Variants in ZHX3 observed in about 807,000 individuals in gnomAD.
ZHX3 encodes zinc fingers and homeoboxes 3.
A neutral mutation model predicts 64.5 loss-of-function variants in ZHX3; 20 were observed. The ratio of observed to expected loss-of-function variants is 0.31; its 90% CI spans 0.22 to 0.45. ZHX3 has a LOEUF of 0.45. Ranked by LOEUF, ZHX3 falls within the 20% of genes least tolerant of loss-of-function variation. The pLI, the probability that ZHX3 is intolerant of heterozygous loss-of-function variation, is 1.00. For missense variants in ZHX3, 1,041 were observed against 1,195.8 expected (o/e 0.87, Z 1.91); for synonymous variants, 423 against 461.6 (o/e 0.92, Z 1.07).
chr20:41,285,685 G>A (rs1160224850), intron 1 of ZHX3, among the ~76,000 whole-genome samples: 1 of 152,214 alleles, frequency 6.6e-6, no homozygotes, highest in Non-Finnish European at 1.5e-5. Flanking sequence ...GCAGTTAGAA[G>A]CATGAATTAT....
chr20:41,207,426 T>C (rs191655836), intron 2 of ZHX3, among the ~76,000 whole-genome samples: 27 of 152,204 alleles, frequency 1.8e-4, no homozygotes, highest in Admixed American at 3.3e-4. Context: ...TACTCCAAAA[T>C]TGACCACATA....
In ZHX3 at chr20:41,201,567, T is replaced by C. The variant is rs938292526; in HGVS notation, c.2860+490A>G. 1.3e-5 allele frequency among the ~76,000 whole-genome samples: 2 copies of C among 152,236 alleles called. No homozygotes were observed. Among genetic ancestry groups the C allele is most frequent in the African/African-American group, 4.8e-5 (2 of 41,462 alleles). ...AGGTGATTTTCCATTATACTAAACA[T>C]TTCTTCTACATCAGGCATAACCAGA... On this transcript the variant is annotated intron_variant, in intron 3 of 3. Coordinates refer to ENST00000683867, the MANE Select transcript of ZHX3 (RefSeq NM_001384317.1). The surrounding 1 kb of genome is among the most constrained non-coding windows in gnomAD (Gnocchi z 5.0).
intron 2 of ZHX3, among the ~76,000 whole-genome samples, chr20:41,268,122 G>A (rs1047023118): frequency 2.0e-5 from 3 of 152,128 alleles, no homozygotes; most frequent in Admixed American, 1.3e-4. Flanking sequence ...GTGGTCCCCA[G>A]GCTTGTGAAG....
At chr20:41,193,922 G>A (rs529252160) in intron 3 of ZHX3, among the ~76,000 whole-genome samples, 2 of 152,088 alleles carry the variant, frequency 1.3e-5, no homozygotes, top group South Asian at 4.2e-4. Flanking sequence ...GGGTGGTCTC[G>A]ATCTCTTGAC....
At chr20:41,293,324 G>A (rs1182393127) in intron 1 of ZHX3, among the ~76,000 whole-genome samples, 2 of 152,160 alleles carry the variant, frequency 1.3e-5, no homozygotes, top group Non-Finnish European at 2.9e-5. Context: ...GAAAAGCATG[G>A]ATTTAGAGGA....
chr20:41,263,041 T>C (rs904238987), intron 2 of ZHX3, among the ~76,000 whole-genome samples: 3 of 152,156 alleles, frequency 2.0e-5, no homozygotes, highest in African/African-American at 7.2e-5. Context: ...GAATGTTCTG[T>C]AATACAGAAG....
At chr20:41,253,973 AT>A (rs373302036) in intron 2 of ZHX3, among the ~76,000 whole-genome samples, 72 of 152,144 alleles carry the variant, frequency 4.7e-4, no homozygotes, top group African/African-American at 1.6e-3. Flanking sequence ...ACCAAAAAAA[AT>A]GGAAGGTACT....
At chr20:41,209,716 A>G (rs1028655860) in intron 2 of ZHX3, among the ~76,000 whole-genome samples, 3 of 152,238 alleles carry the variant, frequency 2.0e-5, no homozygotes, top group African/African-American at 7.2e-5. Flanking sequence ...AAAGACTTAA[A>G]TGTTAGACCT....
chr20:41,241,341 T>C (rs1366873556), intron 2 of ZHX3, among the ~76,000 whole-genome samples: 1 of 152,224 alleles, frequency 6.6e-6, no homozygotes, highest in Non-Finnish European at 1.5e-5. Context: ...CCTTGCCCAT[T>C]TTTAATGGGA....
At chr20:41,237,984 G>C (rs767259678) in intron 2 of ZHX3, among the ~76,000 whole-genome samples, 1 of 152,154 alleles carries the variant, frequency 6.6e-6, no homozygotes, top group Non-Finnish European at 1.5e-5. Flanking sequence ...TGAACTATAA[G>C]ATCTTTGAGG....
intron 2 of ZHX3, among the ~76,000 whole-genome samples, chr20:41,253,362 G>C (rs1267533713): frequency 1.3e-5 from 2 of 152,034 alleles, no homozygotes; most frequent in African/African-American, 2.4e-5. Context: ...TCTTTTGTGA[G>C]GACTGAATAA....
At chr20:41,262,168 T>C (rs1205859272) in intron 2 of ZHX3, among the ~76,000 whole-genome samples, 2 of 152,238 alleles carry the variant, frequency 1.3e-5, no homozygotes, top group African/African-American at 2.4e-5. Context: ...TCACCTCTTA[T>C]CTGGACAACT....
Position 41,226,274 on chromosome 20 carries a change from T to G in ZHX3, c.-150-21208A>C, listed in dbSNP as rs2040264135. On this transcript the variant is annotated intron_variant, in intron 2 of 3. Transcript: ENST00000683867. This position sits in a 1 kb window ranked among gnomAD's most constrained non-coding sequence, Gnocchi z 4.4. ...TAGCCGGGCGTGCTGGCGAATGGCATGAACGCGGGAGGTGGAGGTTGCAGT... is the reference window on the plus strand; with the variant it reads ...TAGCCGGGCGTGCTGGCGAATGGCAGGAACGCGGGAGGTGGAGGTTGCAGT... Among the ~76,000 whole-genome samples, 1 of 151,976 alleles carries G rather than the reference T, an allele frequency of 6.6e-6. No homozygotes were observed. Among genetic ancestry groups the G allele is most frequent in the Non-Finnish European group, 1.5e-5 (1 of 68,002 alleles).
At chr20:41,217,134 G>C (rs1433440782) in intron 2 of ZHX3, among the ~76,000 whole-genome samples, 1 of 152,116 alleles carries the variant, frequency 6.6e-6, no homozygotes, top group East Asian at 1.9e-4. Flanking sequence ...TGACATTAAA[G>C]AATTACTGTT....
intron 1 of ZHX3, among the ~76,000 whole-genome samples, chr20:41,293,148 G>A (rs1413845471): frequency 6.6e-6 from 1 of 152,144 alleles, no homozygotes; most frequent in Non-Finnish European, 1.5e-5. Context: ...CTTTCCCCAA[G>A]AACTGTGCCC....
intron 2 of ZHX3, among the ~76,000 whole-genome samples, chr20:41,257,959 A>T (rs1156648528): frequency 7.9e-5 from 10 of 127,296 alleles, no homozygotes; most frequent in Non-Finnish European, 1.6e-5. Flanking sequence ...AGGCTGGGGT[A>T]CAGTGGCACA....
At chr20:41,286,915 T>G (rs560506449) in intron 1 of ZHX3, among the ~76,000 whole-genome samples, 2 of 150,950 alleles carry the variant, frequency 1.3e-5, no homozygotes, top group South Asian at 4.2e-4. Flanking sequence ...CCCTGAGCTC[T>G]CTCTCTCTCC....
Position 41,193,008 on chromosome 20 carries a change from C to T in ZHX3, c.2861-7807G>A, listed in dbSNP as rs1271261794. 2.6e-5 allele frequency among the ~76,000 whole-genome samples: 4 copies of T among 152,362 alleles called. No homozygotes were observed. In the East Asian group the frequency reaches 7.7e-4, roughly 29 times the overall value. On this transcript the variant is annotated intron_variant, in intron 3 of 3. Transcript: ENST00000683867. ...TCCCAGCCAATCCCAGCTGAACAGG[C>T]TGCCTTGCTTCTTTTTCCTTCCTTA...
intron 1 of ZHX3, among the ~76,000 whole-genome samples, chr20:41,282,066 G>T (rs1009825824): frequency 6.6e-6 from 1 of 152,128 alleles, no homozygotes; most frequent in South Asian, 2.1e-4. Context: ...TGACTCCCAG[G>T]TTCCTGACTT....
Sources: allele counts gnomAD v4.1 joint callset (sites outside exome capture counted in the v4.1 genomes callset), GRCh38; gene constraint gnomAD v4.1.1; non-coding constraint Gnocchi (gnomAD v3.1); transcripts MANE v1.5; gene names NCBI Gene and HGNC (gene_info 2026-07-23, HGNC 2026-07-21).